Variants in SLC7A6 observed in about 807,000 individuals in gnomAD.
SLC7A6 encodes the protein Y+L amino acid transporter 2.
Under a neutral mutation model 46.6 loss-of-function variants are expected in SLC7A6, and 29 were observed. The ratio of observed to expected loss-of-function variants is 0.62; its 90% CI spans 0.46 to 0.85. The LOEUF is 0.85. Ranked by LOEUF, SLC7A6 falls within the 40% of genes least tolerant of loss-of-function variation. The pLI, the probability that SLC7A6 is intolerant of heterozygous loss-of-function variation, is 0.00. For synonymous variants in SLC7A6, 276 were observed against 257.3 expected, an observed-to-expected ratio of 1.07 and a Z score of -0.70; for missense variants, 527 against 647.6, an observed-to-expected ratio of 0.81 and a Z score of 2.02.
Position 68,301,244 on chromosome 16 carries a change from G to A in SLC7A6, c.*3916G>A. On this transcript the variant is annotated 3_prime_UTR_variant, in exon 11 of 11. Transcript: ENST00000219343. ...CTGGACTCAGAGCCCTCAAGGGCATGTGGCAGAACCTCATGGACATCACAA... is the reference window on the plus strand; with the variant it reads ...CTGGACTCAGAGCCCTCAAGGGCATATGGCAGAACCTCATGGACATCACAA... The A allele has an allele frequency of 6.2e-7, 1 of 1,606,360 alleles. No individual in the cohort carries two copies. The highest frequency in any genetic ancestry group is 1.1e-5 in the South Asian group (1 of 90,194).
At chr16:68,265,743 G>C (rs1176256771) in intron 1 of SLC7A6, 1 of 152,142 alleles carries the variant, frequency 6.6e-6, no homozygotes, top group Non-Finnish European at 1.5e-5. Context: ...CGTTATTCAA[G>C]TCGTTACACT....
At chr16:68,290,986 C>T (rs1207497960) in intron 5 of SLC7A6, 2 of 559,660 alleles carry the variant, frequency 3.6e-6, no homozygotes, top group Non-Finnish European at 6.4e-6. Flanking sequence ...CCCATTGGTC[C>T]TACTGTGGCA....
chr16:68,275,721 T>C (rs2042701022), intron 3 of SLC7A6, among the ~76,000 whole-genome samples: 1 of 152,142 alleles, frequency 6.6e-6, no homozygotes, highest in African/African-American at 2.4e-5. Flanking sequence ...GAGAGATAAG[T>C]AAGCATAAAG....
chr16:68,294,571 G>C (rs996994347), intron 7 of SLC7A6, 134 bp from the exon 8 acceptor site: 2 of 686,426 alleles, frequency 2.9e-6, no homozygotes, highest in Non-Finnish European at 5.3e-6. Context: ...GATGCACTAA[G>C]GACCTGGGAT....
chr16:68,290,660 C>A (rs2043031019), intron 5 of SLC7A6, 120 bp downstream of exon 5: 2 of 1,220,504 alleles, frequency 1.6e-6, no homozygotes, highest in Non-Finnish European at 1.2e-6. Flanking sequence ...CTCCCTACTC[C>A]CCCTTCTCCA....
intron 2 of SLC7A6, among the ~76,000 whole-genome samples, chr16:68,273,403 C>T (rs2042654844): frequency 6.6e-6 from 1 of 152,018 alleles, no homozygotes; most frequent in Non-Finnish European, 1.5e-5. Context: ...ATCAAATGGC[C>T]CACCAGATTT....
At chr16:68,295,266 A>G (rs1425328415) in intron 8 of SLC7A6, among the ~76,000 whole-genome samples, 1 of 152,210 alleles carries the variant, frequency 6.6e-6, no homozygotes, top group Non-Finnish European at 1.5e-5. Flanking sequence ...AAGAGGGACC[A>G]AGGGTACTTC....
At chr16:68,274,475 C>T (rs1205244762) in intron 2 of SLC7A6, among the ~76,000 whole-genome samples, 1 of 152,220 alleles carries the variant, frequency 6.6e-6, no homozygotes, top group Non-Finnish European at 1.5e-5. Flanking sequence ...ATTATCACAT[C>T]ATGCGTGAGC....
intron 3 of SLC7A6, among the ~76,000 whole-genome samples, chr16:68,284,978 C>T (rs2042901737): frequency 6.7e-6 from 1 of 149,714 alleles, no homozygotes; most frequent in Non-Finnish European, 1.5e-5. Context: ...TTCGGCAGTT[C>T]TCCCACCTCA....
chr16:68,287,253 C>A, intron 3 of SLC7A6: 2 of 1,152,984 alleles, frequency 1.7e-6, no homozygotes, highest in Non-Finnish European at 1.1e-6. Context: ...GCTGGGATTA[C>A]AGGTGTGAGC....
chr16:68,301,194 C>T lies in SLC7A6; in HGVS notation c.*3866C>T. Reference sequence around the variant, plus strand: ...CCACATGTTAAGCTAGGAAACCTAACAGGATGTCAGCAGGGCAGTTAACTC... The same window carrying T: ...CCACATGTTAAGCTAGGAAACCTAATAGGATGTCAGCAGGGCAGTTAACTC... On this transcript the variant is annotated 3_prime_UTR_variant, in exon 11 of 11. Transcript: ENST00000219343. 1.1e-5 allele frequency: 17 copies of T among 1,533,128 alleles called. No individual in the cohort carries two copies. The highest frequency in any genetic ancestry group is 1.9e-5 in the Admixed American group (1 of 52,188). 95.0% of individuals were successfully genotyped at this position (1,533,128 alleles called of 1,614,324 possible). A position where few individuals can be genotyped will look rare whatever the true frequency, so the allele number is the denominator to read the frequency against.
chr16:68,290,624 C>T, intron 5 of SLC7A6, 84 bp downstream of exon 5: 1 of 1,504,936 alleles, frequency 6.6e-7, no homozygotes, highest in Non-Finnish European at 9.2e-7. Context: ...TCCTTCTCCT[C>T]CTCCCTCCGA....
intron 3 of SLC7A6, chr16:68,287,305 GTCTC>G (rs745881301): frequency 7.8e-7 from 1 of 1,288,066 alleles, no homozygotes. Context: ...GCAAAACACT[GTCTC>G]TCTAATTTCT....
At chr16:68,279,257 C>T (rs1463175469) in intron 3 of SLC7A6, among the ~76,000 whole-genome samples, 1 of 151,942 alleles carries the variant, frequency 6.6e-6, no homozygotes, top group Non-Finnish European at 1.5e-5. Flanking sequence ...AGGGAGGATC[C>T]CTTGAGCCCA....
At position 68,301,042 on chromosome 16, in the gene SLC7A6, A is replaced by C; in HGVS notation, c.*3714A>C. The C allele has an allele frequency of 5.9e-6, 7 of 1,192,592 alleles. No individual in the cohort carries two copies. Among genetic ancestry groups the C allele is most frequent in the Non-Finnish European group, 7.3e-6 (7 of 963,134 alleles). 73.9% of individuals were successfully genotyped at this position (1,192,592 alleles called of 1,614,324 possible). A position where few individuals can be genotyped will look rare whatever the true frequency, so the allele number is the denominator to read the frequency against. ...TTTTTTCAACGTTTTTTTTTCTTTC[A>C]AACTGTAGGGTCACTTTTGATTGAG... is the stretch of plus-strand genomic sequence containing the variant. On this transcript the variant is annotated 3_prime_UTR_variant, in exon 11 of 11. Transcript: ENST00000219343.
intron 2 of SLC7A6, among the ~76,000 whole-genome samples, chr16:68,267,532 A>G (rs148003774): frequency 1.6e-3 from 251 of 152,242 alleles, no homozygotes; most frequent in Non-Finnish European, 2.9e-3. Context: ...AGAGAGTTTT[A>G]TAAGAAAAAG....
At chr16:68,281,695 G>A (rs2042832252) in intron 3 of SLC7A6, among the ~76,000 whole-genome samples, 1 of 152,216 alleles carries the variant, frequency 6.6e-6, no homozygotes, top group South Asian at 2.1e-4. Flanking sequence ...AGGATTCACA[G>A]TAACCCAGGT....
At position 68,287,786 on chromosome 16, in the gene SLC7A6, C is replaced by T. The variant is rs2042968293; in HGVS notation, c.564C>T (p.Gly188=). Residue 188 remains glycine, a synonymous_variant, in exon 4 of 11, where the codon GGC becomes GGT. Coordinates refer to ENST00000219343, the MANE Select transcript of SLC7A6 (RefSeq NM_003983.6). The part of the protein sequence containing the change: ...TFVNCAYVKW[G]TRVQDTFTYA... ...TGAACTGTGCCTATGTCAAGTGGGG[C>T]ACACGTGTGCAGGACACGTTCACTT... The T allele has an allele frequency of 6.2e-7, 1 of 1,614,096 alleles. No individual in the cohort carries two copies. The highest frequency in any genetic ancestry group is 1.3e-5 in the African/African-American group (1 of 74,952).
chr16:68,270,733 T>G (rs1489991378), intron 2 of SLC7A6, among the ~76,000 whole-genome samples: 1 of 152,220 alleles, frequency 6.6e-6, no homozygotes, highest in African/African-American at 2.4e-5. Context: ...AGTTTCAATC[T>G]AGTTGGTTGC....
Sources: gnomAD v4.1 joint callset for allele counts (sites outside exome capture counted in the v4.1 genomes callset) on GRCh38, gnomAD v4.1.1 for gene constraint, MANE v1.5 for transcripts, NCBI Gene and HGNC (gene_info 2026-07-23, HGNC 2026-07-21) for gene names.